LINGO2: variants seen among roughly 807,000 people sequenced by gnomAD.
The protein encoded by LINGO2 is leucine rich repeat and Ig domain containing 2.
LINGO2 carries 14 observed loss-of-function variants against 30.6 expected under a neutral mutation model. The observed-to-expected ratio is 0.46, with a 90% CI of 0.30 to 0.72. The LOEUF is 0.72. Among genes scored for constraint, LINGO2 ranks in the 30% least tolerant of loss-of-function variants. The pLI is 0.07. For synonymous variants in LINGO2, 317 were observed against 288.5 expected (o/e 1.10, Z -1.00); for missense variants, 729 against 751.7 (o/e 0.97, Z 0.35).
intron 1 of LINGO2, among the ~76,000 whole-genome samples, chr9:28,565,017 C>T (rs1392696577): frequency 6.6e-6 from 1 of 152,012 alleles, no homozygotes; most frequent in Non-Finnish European, 1.5e-5. Flanking sequence ...TACACCCCTC[C>T]AAATTTACAA....
the LINGO2 span, among the ~76,000 whole-genome samples, chr9:28,850,664 G>T: frequency 6.6e-6 from 1 of 152,014 alleles, no homozygotes. Context: ...CTTGAAACAA[G>T]GTCAATATGG....
chr9:28,412,087 C>A (rs1822785848), intron 2 of LINGO2, among the ~76,000 whole-genome samples: 1 of 151,536 alleles, frequency 6.6e-6, no homozygotes, highest in Non-Finnish European at 1.5e-5. Flanking sequence ...CATCTCTCAG[C>A]CCACTTCTCC....
chr9:28,306,226 C>A (rs189924957), intron 3 of LINGO2, among the ~76,000 whole-genome samples: 1 of 151,922 alleles, frequency 6.6e-6, no homozygotes, highest in Non-Finnish European at 1.5e-5. Context: ...GTCCTCTGAG[C>A]CTAGCATATT....
the LINGO2 span, among the ~76,000 whole-genome samples, chr9:28,693,760 G>A: frequency 9.3e-3 from 1,410 of 152,084 alleles, 29 homozygotes; most frequent in East Asian, 0.08. Context: ...AAAATGTTGG[G>A]GGGATGGTAG....
the LINGO2 span, among the ~76,000 whole-genome samples, chr9:28,781,494 C>A: frequency 6.6e-6 from 1 of 152,144 alleles, no homozygotes; most frequent in East Asian, 1.9e-4. Context: ...CATTAATTTT[C>A]CAGCTCTACA....
At chr9:28,012,498 A>T (rs1217280686) in intron 4 of LINGO2, 1 of 152,068 alleles carries the variant, frequency 6.6e-6, no homozygotes, top group Non-Finnish European at 1.5e-5. Flanking sequence ...TCTGCTGCCA[A>T]GGTCCATTCA....
the LINGO2 span, among the ~76,000 whole-genome samples, chr9:28,773,087 C>T: frequency 3.9e-5 from 6 of 152,202 alleles, no homozygotes; most frequent in African/African-American, 1.2e-4. Context: ...TACATACGGC[C>T]GGGCGCGGTG....
chr9:28,210,096 T>C (rs1006493724), intron 4 of LINGO2, among the ~76,000 whole-genome samples: 5 of 151,778 alleles, frequency 3.3e-5, no homozygotes, highest in Non-Finnish European at 5.9e-5. Context: ...CTTTCTGCCA[T>C]GAGTAATTCA....
At chr9:28,537,565 T>C (rs1422076437) in intron 1 of LINGO2, among the ~76,000 whole-genome samples, 1 of 151,938 alleles carries the variant, frequency 6.6e-6, no homozygotes, top group Non-Finnish European at 1.5e-5. Context: ...AAAAATGTTT[T>C]AAAGAGACCT....
intron 4 of LINGO2, among the ~76,000 whole-genome samples, chr9:28,135,621 G>T (rs759394660): frequency 2.6e-5 from 4 of 151,698 alleles, no homozygotes; most frequent in Non-Finnish European, 4.4e-5. Flanking sequence ...CTTGTATCAC[G>T]GTCTGTTCTG....
chr9:29,055,656 AC>A, the LINGO2 span, among the ~76,000 whole-genome samples: 2 of 152,102 alleles, frequency 1.3e-5, no homozygotes, highest in African/African-American at 4.8e-5. Context: ...ATTTTGGTGC[AC>A]CCACCACCCA....
chr9:28,631,330 T>G (rs7049210), intron 1 of LINGO2, among the ~76,000 whole-genome samples: 1,323 of 131,836 alleles, frequency 0.01, 25 homozygotes, highest in East Asian at 0.088. Flanking sequence ...CATGACAGGC[T>G]CCGGTGTGTG....
chr9:29,007,492 A>T, the LINGO2 span, among the ~76,000 whole-genome samples: 44 of 152,072 alleles, frequency 2.9e-4, no homozygotes, highest in Non-Finnish European at 6.0e-4. Flanking sequence ...GCACCTACCC[A>T]TATTTCTCAG....
At chr9:29,015,191 T>C in the LINGO2 span, among the ~76,000 whole-genome samples, 1 of 152,132 alleles carries the variant, frequency 6.6e-6, no homozygotes, top group Admixed American at 6.6e-5. Flanking sequence ...AATTACTTAA[T>C]GGGTACAATG....
chr9:29,209,932 CAT>C, the LINGO2 span, among the ~76,000 whole-genome samples: 1 of 152,068 alleles, frequency 6.6e-6, no homozygotes, highest in Non-Finnish European at 1.5e-5. Context: ...AACCTCTTTG[CAT>C]ATAGTGACCT....
chr9:28,517,818 C>T (rs1370141376), intron 1 of LINGO2, among the ~76,000 whole-genome samples: 3 of 152,048 alleles, frequency 2.0e-5, no homozygotes, highest in Non-Finnish European at 4.4e-5. Context: ...CCTATTTTCC[C>T]CAATAGAAAC....
the LINGO2 span, among the ~76,000 whole-genome samples, chr9:29,170,503 G>C: frequency 6.6e-6 from 1 of 151,878 alleles, no homozygotes; most frequent in Non-Finnish European, 1.5e-5. Flanking sequence ...ATACTATTCA[G>C]GTAAACAGTA....
At chr9:28,631,131 T>G (rs982183175) in intron 1 of LINGO2, among the ~76,000 whole-genome samples, 12 of 152,010 alleles carry the variant, frequency 7.9e-5, no homozygotes, top group African/African-American at 2.9e-4. Flanking sequence ...ATTTATTTAT[T>G]TATTTATTGC....
chr9:28,545,194 T>G (rs1432251679), intron 1 of LINGO2, among the ~76,000 whole-genome samples: 1 of 152,074 alleles, frequency 6.6e-6, no homozygotes, highest in Non-Finnish European at 1.5e-5. Context: ...CCGATAAGGA[T>G]TTTAACTGAA....
Sources: allele counts gnomAD v4.1 joint callset (sites outside exome capture counted in the v4.1 genomes callset), GRCh38; gene constraint gnomAD v4.1.1; transcripts MANE v1.5; gene names NCBI Gene and HGNC (gene_info 2026-07-23, HGNC 2026-07-21).